Variants in CNTN4 observed in about 807,000 individuals in gnomAD.
The protein encoded by CNTN4 is contactin-4.
In CNTN4, 77 loss-of-function variants were observed where a neutral mutation model predicts 122.5. That is an observed-to-expected ratio of 0.63 (90% confidence interval 0.52 to 0.76). The LOEUF is 0.76. Among genes scored for constraint, CNTN4 ranks in the 30% least tolerant of loss-of-function variants. The pLI is 0.00. For missense variants in CNTN4, 1,256 were observed against 1,259.1 expected (o/e 1.00, Z 0.04); for synonymous variants, 512 against 447.0 (o/e 1.15, Z -1.83).
chr3:3,028,914 C>A (rs930625866), intron 15 of CNTN4, among the ~76,000 whole-genome samples: 1 of 152,140 alleles, frequency 6.6e-6, no homozygotes, highest in East Asian at 1.9e-4. Context: ...TGTGAAATAA[C>A]CCACATATAT....
chr3:2,358,212 A>G (rs1301683644), intron 3 of CNTN4, among the ~76,000 whole-genome samples: 6 of 152,302 alleles, frequency 3.9e-5, no homozygotes, highest in Non-Finnish European at 2.9e-5. Flanking sequence ...TCCACTTAAC[A>G]GTTTGAGGAA....
intron 2 of CNTN4, among the ~76,000 whole-genome samples, chr3:2,129,355 G>T (rs1374020441): frequency 6.7e-6 from 1 of 149,722 alleles, no homozygotes; most frequent in African/African-American, 2.4e-5. Flanking sequence ...CAAAATAACT[G>T]TTGGCTTCCG....
At chr3:2,555,709 A>G (rs938851187) in intron 3 of CNTN4, among the ~76,000 whole-genome samples, 2 of 152,222 alleles carry the variant, frequency 1.3e-5, no homozygotes, top group Non-Finnish European at 2.9e-5. Context: ...TGCATAGTAC[A>G]ACTCTAATAT....
intron 2 of CNTN4, among the ~76,000 whole-genome samples, chr3:2,303,898 G>A (rs946503026): frequency 6.6e-6 from 1 of 152,162 alleles, no homozygotes; most frequent in Non-Finnish European, 1.5e-5. Flanking sequence ...AGAGCTGATT[G>A]TATCCTCAGA....
chr3:2,383,637 C>T (rs1321973234), intron 3 of CNTN4, among the ~76,000 whole-genome samples: 1 of 151,362 alleles, frequency 6.6e-6, no homozygotes, highest in Non-Finnish European at 1.5e-5. Context: ...CCCCCTCTCC[C>T]TCTCCGCCAC....
chr3:2,978,357 C>A (rs562087811), intron 13 of CNTN4, among the ~76,000 whole-genome samples: 2 of 152,282 alleles, frequency 1.3e-5, no homozygotes, highest in South Asian at 4.2e-4. Context: ...GGTTTAAAGT[C>A]AGGGTTCACA....
intron 13 of CNTN4, among the ~76,000 whole-genome samples, chr3:2,942,975 T>C (rs760191702): frequency 6.6e-6 from 1 of 152,158 alleles, no homozygotes; most frequent in Non-Finnish European, 1.5e-5. Context: ...TTCACAACCA[T>C]GATTGTATAA....
intron 10 of CNTN4, among the ~76,000 whole-genome samples, chr3:2,896,302 G>A (rs1235181093): frequency 6.6e-6 from 1 of 152,086 alleles, no homozygotes; most frequent in Non-Finnish European, 1.5e-5. Flanking sequence ...GCCTTGCGTT[G>A]TGTTAAATAT....
At chr3:2,834,251 G>C (rs1476502975) in intron 7 of CNTN4, among the ~76,000 whole-genome samples, 1 of 152,134 alleles carries the variant, frequency 6.6e-6, no homozygotes, top group African/African-American at 2.4e-5. Flanking sequence ...TACCATCTAA[G>C]TTGCTAGAGA....
intron 2 of CNTN4, among the ~76,000 whole-genome samples, chr3:2,264,451 T>A (rs1359659243): frequency 1.3e-5 from 2 of 152,120 alleles, no homozygotes; most frequent in Non-Finnish European, 2.9e-5. Context: ...CTTTGCCTAT[T>A]TTTTAATGAC....
chr3:2,266,563 C>T (rs928230044), intron 2 of CNTN4, among the ~76,000 whole-genome samples: 1 of 152,006 alleles, frequency 6.6e-6, no homozygotes, highest in Non-Finnish European at 1.5e-5. Context: ...TAAGTAAGGG[C>T]TGTTAGCTGT....
chr3:2,345,271 T>C (rs1047263633), intron 3 of CNTN4, among the ~76,000 whole-genome samples: 2 of 152,200 alleles, frequency 1.3e-5, no homozygotes, highest in Non-Finnish European at 2.9e-5. Context: ...TTTTTACCCT[T>C]TCAGACACAT....
chr3:2,380,239 C>CT (rs2045967520), intron 3 of CNTN4, among the ~76,000 whole-genome samples: 2 of 152,156 alleles, frequency 1.3e-5, no homozygotes, highest in African/African-American at 2.4e-5. Flanking sequence ...GCAGCCCTTC[C>CT]TTTTTATGTA....
intron 3 of CNTN4, among the ~76,000 whole-genome samples, chr3:2,486,256 C>A (rs996348750): frequency 1.3e-5 from 2 of 152,074 alleles, no homozygotes; most frequent in African/African-American, 4.8e-5. Context: ...AGGGACAAAC[C>A]CTGGACACAC....
At chr3:2,282,339 A>G (rs2041747085) in intron 2 of CNTN4, among the ~76,000 whole-genome samples, 1 of 151,276 alleles carries the variant, frequency 6.6e-6, no homozygotes, top group Non-Finnish European at 1.5e-5. Flanking sequence ...TAAAATAAGC[A>G]TATATAAATG....
chr3:2,733,700 A>AT (rs982713666), intron 4 of CNTN4, among the ~76,000 whole-genome samples: 12 of 151,672 alleles, frequency 7.9e-5, no homozygotes, highest in African/African-American at 2.9e-4. Flanking sequence ...TGCCCGGCTA[A>AT]TTTTTTTGAA....
At chr3:2,251,344 G>A (rs192658636) in intron 2 of CNTN4, among the ~76,000 whole-genome samples, 86 of 152,000 alleles carry the variant, frequency 5.7e-4, no homozygotes, top group African/African-American at 1.9e-3. Context: ...CCAAATAAAT[G>A]AAGGAAGATC....
chr3:2,680,573 T>G (rs950203608), intron 4 of CNTN4, among the ~76,000 whole-genome samples: 2 of 152,178 alleles, frequency 1.3e-5, no homozygotes, highest in African/African-American at 4.8e-5. Flanking sequence ...TTCTTTATAT[T>G]CAAAATTGTT....
chr3:2,380,172 C>T (rs1303624981), intron 3 of CNTN4, among the ~76,000 whole-genome samples: 1 of 152,008 alleles, frequency 6.6e-6, no homozygotes, highest in Non-Finnish European at 1.5e-5. Flanking sequence ...CATTCTCTTT[C>T]CTCTATCCAT....
Sources: gnomAD v4.1 joint callset for allele counts (sites outside exome capture counted in the v4.1 genomes callset) on GRCh38, gnomAD v4.1.1 for gene constraint, MANE v1.5 for transcripts, NCBI Gene and HGNC (gene_info 2026-07-23, HGNC 2026-07-21) for gene names.